The following LRBA variants were observed in gnomAD, a reference collection of about 807,000 sequenced individuals.
LRBA encodes LPS responsive beige-like anchor protein.
LRBA carries 176 observed loss-of-function variants against 330.0 expected under a neutral mutation model. The observed-to-expected ratio is 0.53, with a 90% CI of 0.47 to 0.60. LRBA has a LOEUF of 0.60. Ranked by LOEUF, LRBA falls within the 20% of genes least tolerant of loss-of-function variation. The pLI is 0.00. For synonymous variants in LRBA, 1,230 were observed against 1,193.0 expected, an observed-to-expected ratio of 1.03 and a Z score of -0.64; for missense variants, 3,259 against 3,444.8, an observed-to-expected ratio of 0.95 and a Z score of 1.35.
At chr4:150,582,967 T>G in intron 40 of LRBA, 1 of 1,518,046 alleles carries the variant, frequency 6.6e-7, no homozygotes, top group Non-Finnish European at 8.8e-7. Context: ...CACCAGTGCG[T>G]GAGCCTTGGA....
chr4:150,545,842 T>C (rs1313611916), intron 40 of LRBA, among the ~76,000 whole-genome samples: 1 of 152,114 alleles, frequency 6.6e-6, no homozygotes, highest in Admixed American at 6.6e-5. Context: ...GTAAAAATAA[T>C]CTTGGTCTTT....
At chr4:150,784,145 G>T (rs960010030) in intron 34 of LRBA, among the ~76,000 whole-genome samples, 1 of 152,244 alleles carries the variant, frequency 6.6e-6, no homozygotes, top group South Asian at 2.1e-4. Flanking sequence ...GATTTGATAC[G>T]TGCATAAATT....
chr4:150,853,491 C>T (rs996190137), intron 22 of LRBA, among the ~76,000 whole-genome samples: 4 of 152,154 alleles, frequency 2.6e-5, no homozygotes, highest in Admixed American at 2.6e-4. Context: ...TCCAGCCCTT[C>T]CCCCAAAGGT....
rs113536856 is a variant in LRBA, at chr4:150,371,245, T to C, written c.7195-21086A>G. Among the ~76,000 whole-genome samples, 1,351 of 137,494 alleles carry C rather than the reference T, an allele frequency of 9.8e-3. 18 individuals are homozygous for C. Among genetic ancestry groups the C allele is most frequent in the African/African-American group, 0.036 (1,282 of 35,756 alleles). The allele number at this position is 137,494 out of a possible 152,430, so 90.2% of individuals were successfully genotyped here. A position where few individuals can be genotyped will look rare whatever the true frequency, so the allele number is the denominator to read the frequency against. Reference sequence around the variant, plus strand: ...TCTCACTCTGTCACCCAGCCTGCAGTGCAGTGGCGTGATCCCGGCTCACTC... The same window carrying C: ...TCTCACTCTGTCACCCAGCCTGCAGCGCAGTGGCGTGATCCCGGCTCACTC... On this transcript the variant is annotated intron_variant, in intron 47 of 56. Coordinates refer to ENST00000651943, the MANE Select transcript of LRBA (RefSeq NM_001364905.1).
At chr4:150,928,664 C>A (rs751155446) in intron 3 of LRBA, 48 bp from the exon 4 acceptor site, 2 of 1,470,468 alleles carry the variant, frequency 1.4e-6, no homozygotes, top group South Asian at 1.2e-5. Flanking sequence ...TTATATTTCT[C>A]GAATATTTAA....
At chr4:150,883,182 C>T (rs111356016) in intron 17 of LRBA, among the ~76,000 whole-genome samples, 6 of 152,092 alleles carry the variant, frequency 3.9e-5, no homozygotes, top group African/African-American at 4.8e-5. Flanking sequence ...GGTTCTAGGC[C>T]GGGAGTGGTG....
At chr4:150,811,427 GAAA>G (rs11331003) in intron 31 of LRBA, among the ~76,000 whole-genome samples, 5 of 146,138 alleles carry the variant, frequency 3.4e-5, no homozygotes, top group African/African-American at 1.0e-4. Context: ...GAGGCTTTAG[GAAA>G]AAAAAAAAAA....
intron 28 of LRBA, among the ~76,000 whole-genome samples, chr4:150,843,031 C>A (rs1749331250): frequency 6.6e-6 from 1 of 152,124 alleles, no homozygotes; most frequent in Non-Finnish European, 1.5e-5. Flanking sequence ...AGGGTTCGTG[C>A]TCCTATGAGA....
chr4:150,495,037 C>CTACT (rs1759423576), intron 40 of LRBA, among the ~76,000 whole-genome samples: 2 of 151,730 alleles, frequency 1.3e-5, no homozygotes, highest in Non-Finnish European at 2.9e-5. Flanking sequence ...CTCCATGTAC[C>CTACT]TACTACTCAG....
intron 36 of LRBA, among the ~76,000 whole-genome samples, chr4:150,693,311 C>A (rs796715685): frequency 6.6e-6 from 1 of 152,132 alleles, no homozygotes; most frequent in South Asian, 2.1e-4. Context: ...CGCCTGTAAT[C>A]CCAGCACTTT....
chr4:150,397,822 C>T (rs1744949222), intron 47 of LRBA, among the ~76,000 whole-genome samples: 1 of 152,112 alleles, frequency 6.6e-6, no homozygotes, highest in South Asian at 2.1e-4. Context: ...TAGCACTTAC[C>T]TCATAAACTT....
intron 40 of LRBA, among the ~76,000 whole-genome samples, chr4:150,586,724 T>A (rs1772160037): frequency 6.6e-6 from 1 of 152,164 alleles, no homozygotes; most frequent in African/African-American, 2.4e-5. Flanking sequence ...AAGAACCTAA[T>A]CTCACACATT....
intron 2 of LRBA, among the ~76,000 whole-genome samples, chr4:150,936,843 T>C (rs1735126923): frequency 6.6e-6 from 1 of 152,060 alleles, no homozygotes; most frequent in Admixed American, 6.5e-5. Context: ...GCCAAGAAGA[T>C]AATGTCTGGA....
chr4:150,290,089 T>C (rs1748657817), intron 53 of LRBA, among the ~76,000 whole-genome samples: 1 of 152,210 alleles, frequency 6.6e-6, no homozygotes, highest in Admixed American at 6.5e-5. Context: ...TCTGTGTACA[T>C]TTCTGTTTGG....
At chr4:150,871,566 A>G (rs1753446320) in intron 18 of LRBA, 113 bp from the exon 19 acceptor site, 1 of 633,730 alleles carries the variant, frequency 1.6e-6, no homozygotes, top group Non-Finnish European at 2.9e-6. Context: ...AACAATTCCC[A>G]ACTCAATTAC....
At chr4:150,659,695 C>T (rs1364594204) in intron 37 of LRBA, among the ~76,000 whole-genome samples, 1 of 4,448 alleles carries the variant, frequency 2.2e-4, no homozygotes, top group African/African-American at 2.9e-4. Context: ...CCCCCCCGCC[C>T]GGCCAGCCGT....
chr4:150,667,612 G>A (rs894870737), intron 37 of LRBA, among the ~76,000 whole-genome samples: 2 of 152,124 alleles, frequency 1.3e-5, no homozygotes, highest in African/African-American at 4.8e-5. Context: ...AGGAGGTAGG[G>A]TCCCTTAGTC....
chr4:150,554,167 C>T (rs1279955951), intron 40 of LRBA, among the ~76,000 whole-genome samples: 1 of 152,226 alleles, frequency 6.6e-6, no homozygotes, highest in East Asian at 1.9e-4. Context: ...GCCTCCTCTC[C>T]TTTCTGCCTT....
chr4:150,597,114 C>A, intron 38 of LRBA: 1 of 1,393,942 alleles, frequency 7.2e-7, no homozygotes, highest in Non-Finnish European at 1.0e-6. Flanking sequence ...TAAAAATGCA[C>A]ACTAAAACAT....
Sources: gnomAD v4.1 joint callset for allele counts (sites outside exome capture counted in the v4.1 genomes callset) on GRCh38, gnomAD v4.1.1 for gene constraint, MANE v1.5 for transcripts, NCBI Gene and HGNC (gene_info 2026-07-23, HGNC 2026-07-21) for gene names.